Variants in XKR7 observed in about 807,000 individuals in gnomAD.
XKR7 encodes the protein XK-related protein 7.
In XKR7, 11 loss-of-function variants were observed where a neutral mutation model predicts 42.2. The ratio of observed to expected loss-of-function variants is 0.26; its 90% CI spans 0.16 to 0.43. XKR7 has a LOEUF of 0.43. Among genes scored for constraint, XKR7 ranks in the 20% least tolerant of loss-of-function variants. XKR7 has a pLI of 1.00. For synonymous variants in XKR7, 346 were observed against 366.4 expected (o/e 0.94, Z 0.64); for missense variants, 710 against 802.2 (o/e 0.89, Z 1.39).
intron 1 of XKR7, among the ~76,000 whole-genome samples, chr20:31,976,909 G>A (rs1458502513): frequency 6.6e-6 from 1 of 152,162 alleles, no homozygotes; most frequent in East Asian, 1.9e-4. Context: ...GTCTCCCATG[G>A]TGACTAGCAC....
chr20:31,987,193 A>G (rs887218095), intron 1 of XKR7, among the ~76,000 whole-genome samples: 9 of 147,178 alleles, frequency 6.1e-5, no homozygotes, highest in African/African-American at 1.8e-4. Flanking sequence ...CGGGCCCAGT[A>G]TCAAGACACA....
At chr20:31,976,047 G>C (rs912433290) in intron 1 of XKR7, among the ~76,000 whole-genome samples, 4 of 152,148 alleles carry the variant, frequency 2.6e-5, no homozygotes, top group African/African-American at 9.7e-5. Context: ...CTGTGAAATG[G>C]GCATCATAAC....
rs891341079 is a variant in XKR7, at chr20:32,000,133, C to G, written c.*2676C>G. 1 of 152,306 alleles carries G rather than the reference C, an allele frequency of 6.6e-6. No individual in the cohort carries two copies. The highest frequency in any genetic ancestry group is 6.5e-5 in the Admixed American group (1 of 15,288). 9.4% of individuals were successfully genotyped at this position (152,306 alleles called of 1,614,324 possible). A position where few individuals can be genotyped will look rare whatever the true frequency, so the allele number is the denominator to read the frequency against. On this transcript the variant is annotated 3_prime_UTR_variant, in exon 3 of 3. Coordinates refer to ENST00000562532, the MANE Select transcript of XKR7 (RefSeq NM_001011718.2). Reference sequence around the variant, plus strand: ...TGCAGGCACCTCCTCCTGCTTCTCACCCTCAGAAGAGTCTCAGCCCTTAAA... The same window carrying G: ...TGCAGGCACCTCCTCCTGCTTCTCAGCCTCAGAAGAGTCTCAGCCCTTAAA...
chr20:31,985,278 G>T (rs1338915805), intron 1 of XKR7, among the ~76,000 whole-genome samples: 1 of 152,148 alleles, frequency 6.6e-6, no homozygotes, highest in African/African-American at 2.4e-5. Context: ...GGATGGAGAG[G>T]CAGCGGGGGA....
intron 1 of XKR7, among the ~76,000 whole-genome samples, chr20:31,969,222 G>C (rs1341304052): frequency 6.6e-6 from 1 of 152,204 alleles, no homozygotes; most frequent in Non-Finnish European, 1.5e-5. Flanking sequence ...TTCACAACCT[G>C]CAAGGAGAGT....
rs1305306349 is a variant in XKR7, at chr20:31,995,472, TATACTC to T, written c.787+204_787+209del. Among the ~76,000 whole-genome samples, 4 of 151,916 alleles carry T rather than the reference TATACTC, an allele frequency of 2.6e-5. No individual in the cohort carries two copies. The highest frequency in any genetic ancestry group is 2.0e-4 in the Admixed American group (3 of 15,292). On this transcript the variant is annotated intron_variant, in intron 2 of 2. Transcript: ENST00000562532. This position sits in a 1 kb window ranked among gnomAD's most constrained non-coding sequence, Gnocchi z 4.1. ...CCCGCGTCCCCTTCGATGGCCCACT[TATACTC>T]AGAGTGAGGAGGGACCTGGCCCCTC...
Position 31,996,369 on chromosome 20 carries a change from C to T in XKR7, c.788-136C>T. 2 of 620,950 alleles carry T rather than the reference C, an allele frequency of 3.2e-6. 1 individual carries two copies. Among genetic ancestry groups the T allele is most frequent in the South Asian group, 5.1e-5 (2 of 39,042 alleles). The allele number at this position is 620,950 out of a possible 1,614,324, so 38.5% of individuals were successfully genotyped here. A position where few individuals can be genotyped will look rare whatever the true frequency, so the allele number is the denominator to read the frequency against. On this transcript the variant is annotated intron_variant, in intron 2 of 2. Coordinates refer to ENST00000562532, the MANE Select transcript of XKR7 (RefSeq NM_001011718.2). Reference sequence around the variant, plus strand: ...CCCACCTCCCAGACCTTCCCCACACCCCTGCTGATCCACAGCTCCTTTCCT... The same window carrying T: ...CCCACCTCCCAGACCTTCCCCACACTCCTGCTGATCCACAGCTCCTTTCCT...
At position 31,995,936 on chromosome 20, in the gene XKR7, C is replaced by T. The variant is rs2064589298; in HGVS notation, c.788-569C>T. Among the ~76,000 whole-genome samples the T allele has an allele frequency of 6.6e-6, 1 of 152,132 alleles. No individual in the cohort carries two copies. The highest frequency in any genetic ancestry group is 2.4e-5 in the African/African-American group (1 of 41,500). On this transcript the variant is annotated intron_variant, in intron 2 of 2. Coordinates refer to ENST00000562532, the MANE Select transcript of XKR7 (RefSeq NM_001011718.2). This position sits in a 1 kb window ranked among gnomAD's most constrained non-coding sequence, Gnocchi z 4.1. ...AACCCATCCTCAGTGTCCCAAAAGA[C>T]TATCACCACCCCTCATGGCCCTGGG... is the stretch of plus-strand genomic sequence containing the variant.
intron 1 of XKR7, among the ~76,000 whole-genome samples, chr20:31,981,386 A>G (rs1021115914): frequency 6.6e-6 from 1 of 151,774 alleles, no homozygotes; most frequent in Admixed American, 6.6e-5. Flanking sequence ...AAAAACAACA[A>G]CAACAATAAA....
intron 1 of XKR7, among the ~76,000 whole-genome samples, chr20:31,980,369 C>T (rs2064506471): frequency 6.6e-6 from 1 of 152,204 alleles, no homozygotes; most frequent in African/African-American, 2.4e-5. Context: ...GCCTCAGGGC[C>T]ATCCCCCCAA....
chr20:31,989,285 C>CA (rs2064558312), intron 1 of XKR7, among the ~76,000 whole-genome samples: 1 of 49,378 alleles, frequency 2.0e-5, no homozygotes, highest in Admixed American at 1.6e-4. Context: ...ACCCCCCCCC[C>CA]AGCGCATCTG....
intron 1 of XKR7, among the ~76,000 whole-genome samples, chr20:31,993,198 G>A (rs1309235015): frequency 6.6e-6 from 1 of 152,110 alleles, no homozygotes; most frequent in Non-Finnish European, 1.5e-5. Flanking sequence ...CAAAGAGTGT[G>A]CCTGCCCCGT....
intron 1 of XKR7, among the ~76,000 whole-genome samples, chr20:31,993,111 CACACAT>C (rs1555861850): frequency 6.6e-6 from 1 of 150,580 alleles, no homozygotes. Context: ...CACACACACA[CACACAT>C]ACACATACAC....
Position 31,968,768 on chromosome 20 carries a change from A to G in XKR7, c.584+9A>G. ...CTCGGCCAGGTCTGGAGGTAGGAGA[A>G]GCGCAGGTGGAGGGACCTGAGCCCG... On this transcript the variant is annotated intron_variant, in intron 1 of 2. Coordinates refer to ENST00000562532, the MANE Select transcript of XKR7 (RefSeq NM_001011718.2). This position sits in a 1 kb window ranked among gnomAD's most constrained non-coding sequence, Gnocchi z 4.5. 1 of 1,492,820 alleles carries G rather than the reference A, an allele frequency of 6.7e-7. No homozygotes were observed. The allele number at this position is 1,492,820 out of a possible 1,614,324, so 92.5% of individuals were successfully genotyped here.
intron 1 of XKR7, among the ~76,000 whole-genome samples, chr20:31,983,320 G>C (rs1360113927): frequency 6.6e-6 from 1 of 152,214 alleles, no homozygotes; most frequent in Non-Finnish European, 1.5e-5. Context: ...GTTTCAGGTT[G>C]TGATGTGTGT....
intron 1 of XKR7, among the ~76,000 whole-genome samples, chr20:31,991,929 C>T (rs1382520509): frequency 6.6e-6 from 1 of 152,056 alleles, no homozygotes; most frequent in East Asian, 1.9e-4. Context: ...ACAAGCCTGA[C>T]CAACATGGAG....
Position 31,968,861 on chromosome 20 carries a change from T to C in XKR7, c.584+102T>C. The C allele has an allele frequency of 1.4e-6, 2 of 1,410,290 alleles. No individual in the cohort carries two copies. Among genetic ancestry groups the C allele is most frequent in the Non-Finnish European group, 1.9e-6 (2 of 1,080,088 alleles). 87.4% of individuals were successfully genotyped at this position (1,410,290 alleles called of 1,614,324 possible). ...ATCTGACCTTTCCGGGCTACCCTCC[T>C]GTCCTGACCTCCCCCCCTCCCCACC... On this transcript the variant is annotated intron_variant, in intron 1 of 2. Coordinates refer to ENST00000562532, the MANE Select transcript of XKR7 (RefSeq NM_001011718.2). This position sits in a 1 kb window ranked among gnomAD's most constrained non-coding sequence, Gnocchi z 4.5.
intron 2 of XKR7, 144 bp from the exon 3 acceptor site, chr20:31,996,361 C>A: frequency 1.7e-6 from 1 of 599,954 alleles, no homozygotes; most frequent in Non-Finnish European, 2.8e-6. Context: ...CCCAGACCTT[C>A]CCCACACCCC....
rs747528334 is a variant in XKR7, at chr20:31,997,278, C to T, written c.1561C>T (p.Pro521Ser). The change falls in exon 3 of 3, where the codon CCT (proline) becomes TCT (serine). Residue 521 changes from proline (P) to serine (S), a missense_variant. Coordinates refer to ENST00000562532, the MANE Select transcript of XKR7 (RefSeq NM_001011718.2). Reference protein sequence around the residue: ...PVARTLRTEGPVIRIDLPRKK... With the variant: ...PVARTLRTEGSVIRIDLPRKK... ...GGCCCGCACCTTGCGGACAGAGGGGCCTGTCATCCGGATTGACTTGCCTCG... is the reference window on the plus strand; with the variant it reads ...GGCCCGCACCTTGCGGACAGAGGGGTCTGTCATCCGGATTGACTTGCCTCG... The T allele has an allele frequency of 4.3e-6, 7 of 1,612,328 alleles. No homozygotes were observed. Among genetic ancestry groups the T allele is most frequent in the Non-Finnish European group, 5.9e-6 (7 of 1,180,022 alleles).
Sources: gnomAD v4.1 joint callset for allele counts (sites outside exome capture counted in the v4.1 genomes callset) on GRCh38, gnomAD v4.1.1 for gene constraint, Gnocchi (gnomAD v3.1) non-coding constraint, MANE v1.5 for transcripts, NCBI Gene and HGNC (gene_info 2026-07-23, HGNC 2026-07-21) for gene names.